Variants in DOK5 observed in about 807,000 individuals in gnomAD.
The protein encoded by DOK5 is downstream of tyrosine kinase 5.
A neutral mutation model predicts 43.3 loss-of-function variants in DOK5; 27 were observed. The ratio of observed to expected loss-of-function variants is 0.62; its 90% CI spans 0.46 to 0.86. The LOEUF (loss-of-function observed/expected upper bound fraction) is 0.86. Among genes scored for constraint, DOK5 ranks in the 40% least tolerant of loss-of-function variants. DOK5 has a pLI of 0.00. For synonymous variants in DOK5, 146 were observed against 140.1 expected, an observed-to-expected ratio of 1.04 and a Z score of -0.30; for missense variants, 373 against 392.9, an observed-to-expected ratio of 0.95 and a Z score of 0.43.
intron 1 of DOK5, among the ~76,000 whole-genome samples, chr20:54,543,932 A>G (rs1159678800): frequency 6.6e-6 from 1 of 152,032 alleles, no homozygotes; most frequent in African/African-American, 2.4e-5. Context: ...ACCTGTGCAT[A>G]TTTCCTTAAT....
intron 5 of DOK5, among the ~76,000 whole-genome samples, chr20:54,604,120 G>A (rs2146785322): frequency 6.6e-6 from 1 of 151,566 alleles, no homozygotes; most frequent in South Asian, 2.1e-4. Flanking sequence ...CTAATTTTTT[G>A]CATTTTGAGT....
chr20:54,477,961 A>G (rs759294880), intron 1 of DOK5, among the ~76,000 whole-genome samples: 34 of 152,346 alleles, frequency 2.2e-4, no homozygotes, highest in Non-Finnish European at 4.1e-4. Context: ...TATTTGAAGC[A>G]GAAGGAACAG....
At chr20:54,562,366 A>G (rs1445956313) in intron 2 of DOK5, among the ~76,000 whole-genome samples, 1 of 152,182 alleles carries the variant, frequency 6.6e-6, no homozygotes. Context: ...GTTTTGTCTT[A>G]TGGAGAAGAC....
At chr20:54,608,008 A>G (rs975372588) in intron 5 of DOK5, among the ~76,000 whole-genome samples, 4 of 152,228 alleles carry the variant, frequency 2.6e-5, no homozygotes, top group African/African-American at 9.7e-5. Context: ...TTCCACCACT[A>G]GTATTACAAA....
At chr20:54,616,784 C>CTT (rs550110589) in intron 6 of DOK5, among the ~76,000 whole-genome samples, 4,051 of 105,700 alleles carry the variant, frequency 0.038, 414 homozygotes, top group African/African-American at 0.14. Context: ...TTTTTTTTTT[C>CTT]TTTTTTTTTT....
At chr20:54,477,781 T>C (rs760167402) in intron 1 of DOK5, among the ~76,000 whole-genome samples, 1 of 152,184 alleles carries the variant, frequency 6.6e-6, no homozygotes, top group Non-Finnish European at 1.5e-5. Context: ...ATGCACAAAA[T>C]ATGAATTATT....
intron 1 of DOK5, among the ~76,000 whole-genome samples, chr20:54,534,641 T>C (rs1347126079): frequency 1.3e-5 from 2 of 152,218 alleles, no homozygotes; most frequent in African/African-American, 4.8e-5. Context: ...CGTGAAATAC[T>C]TAGTTGAATA....
chr20:54,584,744 AAT>A (rs1452858691), intron 2 of DOK5, among the ~76,000 whole-genome samples: 1 of 147,866 alleles, frequency 6.8e-6, no homozygotes, highest in Non-Finnish European at 1.5e-5. Context: ...TATACACTAT[AAT>A]ATGTGTGTGT....
intron 5 of DOK5, among the ~76,000 whole-genome samples, chr20:54,605,514 G>A (rs999330691): frequency 8.5e-5 from 13 of 152,160 alleles, no homozygotes; most frequent in Admixed American, 7.2e-4. Flanking sequence ...CAACATGTTG[G>A]CTTCACTTAC....
intron 1 of DOK5, among the ~76,000 whole-genome samples, chr20:54,511,686 A>C (rs1267078429): frequency 6.6e-6 from 1 of 152,176 alleles, no homozygotes; most frequent in African/African-American, 2.4e-5. Flanking sequence ...CCAGGGATGC[A>C]CCTGACTTGA....
At chr20:54,477,693 T>A (rs918215796) in intron 1 of DOK5, among the ~76,000 whole-genome samples, 1 of 151,748 alleles carries the variant, frequency 6.6e-6, no homozygotes, top group Middle Eastern at 3.4e-3. Context: ...TACTCCATCA[T>A]GTCAATGGAA....
At chr20:54,590,569 C>T (rs1293979096) in intron 4 of DOK5, among the ~76,000 whole-genome samples, 1 of 151,996 alleles carries the variant, frequency 6.6e-6, no homozygotes, top group Non-Finnish European at 1.5e-5. Context: ...TACTAGAAAT[C>T]AACAAATATT....
intron 1 of DOK5, among the ~76,000 whole-genome samples, chr20:54,491,402 T>G (rs1378975003): frequency 2.0e-5 from 3 of 152,190 alleles, no homozygotes; most frequent in African/African-American, 7.2e-5. Flanking sequence ...GTCAAGAAAT[T>G]CCAAAAGGTT....
Position 54,563,827 on chromosome 20 carries a change from T to C in DOK5, c.174+8787T>C, listed in dbSNP as rs187923045. Reference sequence around the variant, plus strand: ...TCAATATTTAACTGTAATTTTAAAATATAAGAAAGTATAAATTGAATATCT... The same window carrying C: ...TCAATATTTAACTGTAATTTTAAAACATAAGAAAGTATAAATTGAATATCT... On this transcript the variant is annotated intron_variant, in intron 2 of 7. Coordinates refer to ENST00000262593, the MANE Select transcript of DOK5 (RefSeq NM_018431.5). 1.2e-3 allele frequency among the ~76,000 whole-genome samples: 177 copies of C among 152,214 alleles called. 3 individuals carry two copies. The highest frequency in any genetic ancestry group is 4.1e-3 in the African/African-American group (171 of 41,550).
At chr20:54,642,549 C>CAAAAAAA (rs66463305) in intron 6 of DOK5, among the ~76,000 whole-genome samples, 38 of 96,352 alleles carry the variant, frequency 3.9e-4, no homozygotes, top group South Asian at 7.7e-4. Flanking sequence ...ACTAAAAATA[C>CAAAAAAA]AAAAAAAAAA....
At chr20:54,513,214 T>C (rs192340869) in intron 1 of DOK5, among the ~76,000 whole-genome samples, 13 of 152,094 alleles carry the variant, frequency 8.5e-5, no homozygotes, top group Non-Finnish European at 1.5e-4. Flanking sequence ...TATGGGCTAA[T>C]AAGACATAGT....
intron 6 of DOK5, among the ~76,000 whole-genome samples, chr20:54,624,542 C>A (rs966889765): frequency 6.6e-6 from 1 of 152,112 alleles, no homozygotes; most frequent in Non-Finnish European, 1.5e-5. Flanking sequence ...AGCCAAAATA[C>A]CAAGTCCAGT....
At chr20:54,575,741 A>G (rs1259197100) in intron 2 of DOK5, among the ~76,000 whole-genome samples, 1 of 152,214 alleles carries the variant, frequency 6.6e-6, no homozygotes, top group Admixed American at 6.5e-5. Context: ...ATTTGTAAGA[A>G]ATATTTGCTG....
intron 6 of DOK5, among the ~76,000 whole-genome samples, chr20:54,629,045 G>A (rs1252839950): frequency 6.6e-6 from 1 of 152,144 alleles, no homozygotes; most frequent in East Asian, 1.9e-4. Context: ...TCTTTCTAGA[G>A]ACTCAAAATT....
Sources: allele counts gnomAD v4.1 joint callset (sites outside exome capture counted in the v4.1 genomes callset), GRCh38; gene constraint gnomAD v4.1.1; transcripts MANE v1.5; gene names NCBI Gene and HGNC (gene_info 2026-07-23, HGNC 2026-07-21).